Variants in MBLAC2 observed in about 807,000 individuals in gnomAD.
MBLAC2 encodes metallo-beta-lactamase domain containing 2, also known as acyl-coenzyme A thioesterase MBLAC2.
A neutral mutation model predicts 23.3 loss-of-function variants in MBLAC2; 24 were observed. That is an observed-to-expected ratio of 1.03 (90% CI 0.75 to 1.45). The LOEUF (loss-of-function observed/expected upper bound fraction) is 1.45. Among genes scored for constraint, MBLAC2 ranks in the 40% most tolerant of loss-of-function variants. The probability of loss-of-function intolerance (pLI) is 0.00; values close to 1 mark genes in which losing one functional copy is unlikely to be tolerated. For missense variants in MBLAC2, 358 were observed against 370.0 expected, an observed-to-expected ratio of 0.97 and a Z score of 0.27; for synonymous variants, 162 against 150.9, an observed-to-expected ratio of 1.07 and a Z score of -0.54.
At position 90,459,443 on chromosome 5, in the gene MBLAC2, G is replaced by GA. The variant is rs1750320310; in HGVS notation, c.*1723dup. 6.6e-6 allele frequency: 1 copy of GA among 151,996 alleles called. No homozygotes were observed. The allele number at this position is 151,996 out of a possible 1,614,324, so 9.4% of individuals were successfully genotyped here. ...AAAATTAAATTTATATTTTCACAAG[G>GA]AATAGACTATTCTAGACTAGCAATG... On this transcript the variant is annotated 3_prime_UTR_variant, in exon 2 of 2. Coordinates refer to ENST00000316610, the MANE Select transcript of MBLAC2 (RefSeq NM_203406.2).
rs1433294600 is a variant in MBLAC2 at position 90,459,363 on chromosome 5, CA to C, written c.*1803del. ...TAACAATGACTCATATACACAATCA[CA>C]AATCAATTTTTCTCATGCTAAATAT... On this transcript the variant is annotated 3_prime_UTR_variant, in exon 2 of 2. Coordinates refer to ENST00000316610, the MANE Select transcript of MBLAC2 (RefSeq NM_203406.2). 1.3e-5 allele frequency: 2 copies of C among 152,190 alleles called. No individual in the cohort carries two copies. The highest frequency in any genetic ancestry group is 2.9e-5 in the Non-Finnish European group (2 of 67,968). The allele number at this position is 152,190 out of a possible 1,614,324, so 9.4% of individuals were successfully genotyped here.
intron 1 of MBLAC2, among the ~76,000 whole-genome samples, chr5:90,469,195 A>G (rs553014608): frequency 6.6e-6 from 1 of 152,180 alleles, no homozygotes; most frequent in South Asian, 2.1e-4. Context: ...TGAACTCTTG[A>G]CCTCAGGTGA....
chr5:90,465,015 T>C (rs545366932), intron 1 of MBLAC2, among the ~76,000 whole-genome samples: 90 of 152,280 alleles, frequency 5.9e-4, no homozygotes, highest in Non-Finnish European at 1.1e-3. Flanking sequence ...TCCTAGACAG[T>C]GTAATAAGCC....
chr5:90,465,889 T>C (rs373397519), intron 1 of MBLAC2, among the ~76,000 whole-genome samples: 21 of 152,314 alleles, frequency 1.4e-4, no homozygotes, highest in African/African-American at 4.3e-4. Flanking sequence ...TTGATAGCCA[T>C]ACATGGCTAG....
intron 1 of MBLAC2, among the ~76,000 whole-genome samples, chr5:90,466,646 C>T (rs1362929354): frequency 1.3e-5 from 2 of 152,040 alleles, no homozygotes; most frequent in African/African-American, 4.8e-5. Context: ...GCTTGCATAA[C>T]TCAATAATAA....
intron 1 of MBLAC2, among the ~76,000 whole-genome samples, chr5:90,466,630 T>C (rs1390742382): frequency 1.3e-5 from 2 of 152,224 alleles, no homozygotes; most frequent in Non-Finnish European, 2.9e-5. Context: ...ATTCAGAATA[T>C]ATAGAGCTTG....
Position 90,458,899 on chromosome 5 carries a change from A to C in MBLAC2, c.*2268T>G, listed in dbSNP as rs1035118795. 1 of 152,582 alleles carries C rather than the reference A, an allele frequency of 6.6e-6. No homozygotes were observed. The highest frequency in any genetic ancestry group is 6.5e-5 in the Admixed American group (1 of 15,278). 9.5% of individuals were successfully genotyped at this position (152,582 alleles called of 1,614,324 possible). ...ATATCACAGTTCTATGTTGTGGTAC[A>C]ATTTGAAAAACTGAAAAAATTGGGA... On this transcript the variant is annotated 3_prime_UTR_variant, in exon 2 of 2. Coordinates refer to ENST00000316610, the MANE Select transcript of MBLAC2 (RefSeq NM_203406.2).
In MBLAC2 at chr5:90,474,175, G is replaced by C. The variant is rs1750647394; in HGVS notation, c.118C>G (p.Gln40Glu). 6.2e-7 allele frequency: 1 copy of C among 1,604,608 alleles called. No homozygotes were observed. Among genetic ancestry groups the C allele is most frequent in the Non-Finnish European group, 8.5e-7 (1 of 1,175,458 alleles). ...ANIWLVRGSE[Q>E]DVVIDTGLGL... ...AGGCCTGTATCGATCACCACGTCCTGCTCGGAGCCGCGCACCAGCCAGATG... is the reference window on the plus strand; with the variant it reads ...AGGCCTGTATCGATCACCACGTCCTCCTCGGAGCCGCGCACCAGCCAGATG... The change falls in exon 1 of 2, where the codon CAG becomes GAG. Residue 40 changes from glutamine (Q) to glutamate (E), a missense_variant. Gln to Glu is a conservative substitution (Grantham distance 29). Transcript: ENST00000316610.
intron 1 of MBLAC2, among the ~76,000 whole-genome samples, chr5:90,470,472 G>T (rs1750525527): frequency 1.3e-5 from 2 of 151,906 alleles, no homozygotes. Flanking sequence ...ACAACTATTA[G>T]GTATCAATTA....
chr5:90,473,127 A>G (rs1750593142), intron 1 of MBLAC2: 1 of 152,844 alleles, frequency 6.5e-6, no homozygotes, highest in Middle Eastern at 3.2e-3. Context: ...TAGTCCACAT[A>G]ATTTACCTCT....
chr5:90,464,918 G>A (rs1750424543), intron 1 of MBLAC2, among the ~76,000 whole-genome samples: 1 of 152,110 alleles, frequency 6.6e-6, no homozygotes, highest in Admixed American at 6.6e-5. Context: ...ACATCTATAG[G>A]TAATACCTCT....
intron 1 of MBLAC2, among the ~76,000 whole-genome samples, chr5:90,466,998 G>A (rs904050287): frequency 1.3e-5 from 2 of 152,160 alleles, no homozygotes; most frequent in African/African-American, 2.4e-5. Flanking sequence ...TTCACCAGAG[G>A]TGGTGGTGCA....
chr5:90,461,767 A>G (rs1367308334), intron 1 of MBLAC2, among the ~76,000 whole-genome samples: 1 of 152,200 alleles, frequency 6.6e-6, no homozygotes, highest in African/African-American at 2.4e-5. Flanking sequence ...GTAATGTGGA[A>G]CACTACTTCT....
At chr5:90,468,943 A>G (rs1731928580) in intron 1 of MBLAC2, among the ~76,000 whole-genome samples, 1 of 152,224 alleles carries the variant, frequency 6.6e-6, no homozygotes, top group African/African-American at 2.4e-5. Context: ...TGCTAAGAGG[A>G]AAGTTCATAG....
chr5:90,470,674 G>A (rs1750528910), intron 1 of MBLAC2, among the ~76,000 whole-genome samples: 3 of 150,824 alleles, frequency 2.0e-5, no homozygotes, highest in African/African-American at 7.3e-5. Context: ...GAAAGGCCTG[G>A]CTCTCATCCT....
chr5:90,464,930 T>C (rs988231565), intron 1 of MBLAC2, among the ~76,000 whole-genome samples: 1 of 152,196 alleles, frequency 6.6e-6, no homozygotes, highest in Non-Finnish European at 1.5e-5. Flanking sequence ...AATACCTCTT[T>C]GAATAGAAAG....
rs1047623263 is a variant in MBLAC2 at position 90,474,347 on chromosome 5, G to A, written c.-55C>T. ...AGTGTGGGCGTGCGAGTCTCCCACA[G>A]GCTGTCCACACACAGGGCACTGCGG... On this transcript the variant is annotated 5_prime_UTR_variant, in exon 1 of 2. Coordinates refer to ENST00000316610, the MANE Select transcript of MBLAC2 (RefSeq NM_203406.2). The A allele has an allele frequency of 5.3e-6, 8 of 1,503,312 alleles. No individual in the cohort carries two copies. The highest frequency in any genetic ancestry group is 7.4e-6 in the Non-Finnish European group (8 of 1,088,098). The allele number at this position is 1,503,312 out of a possible 1,614,324, so 93.1% of individuals were successfully genotyped here.
chr5:90,469,896 A>G (rs1750516685), intron 1 of MBLAC2, among the ~76,000 whole-genome samples: 1 of 152,246 alleles, frequency 6.6e-6, no homozygotes, highest in Admixed American at 6.5e-5. Flanking sequence ...CATCCAAAAG[A>G]AAGGAAATCA....
At chr5:90,463,785 A>G (rs1750408170) in intron 1 of MBLAC2, among the ~76,000 whole-genome samples, 1 of 152,216 alleles carries the variant, frequency 6.6e-6, no homozygotes, top group South Asian at 2.1e-4. Context: ...AGAAAAAAAC[A>G]GATGAAACCA....
Sources: gnomAD v4.1 joint callset for allele counts (sites outside exome capture counted in the v4.1 genomes callset) on GRCh38, gnomAD v4.1.1 for gene constraint, MANE v1.5 for transcripts, NCBI Gene and HGNC (gene_info 2026-07-23, HGNC 2026-07-21) for gene names.